Variants in TBC1D22A observed in about 807,000 individuals in gnomAD.
The protein encoded by TBC1D22A is putative GTPase activator.
A neutral mutation model predicts 60.2 loss-of-function variants in TBC1D22A; 38 were observed. That is an observed-to-expected ratio of 0.63 (90% CI 0.49 to 0.83). The LOEUF (loss-of-function observed/expected upper bound fraction) is 0.83, where lower values mean the gene tolerates loss of function less well. Ranked by LOEUF, TBC1D22A falls within the 40% of genes least tolerant of loss-of-function variation. The pLI, the probability that TBC1D22A is intolerant of heterozygous loss-of-function variation, is 0.00. For synonymous variants in TBC1D22A, 302 were observed against 281.7 expected (o/e 1.07, Z -0.72); for missense variants, 628 against 701.0 (o/e 0.90, Z 1.18).
intron 12 of TBC1D22A, among the ~76,000 whole-genome samples, chr22:47,169,129 C>T (rs2068326117): frequency 6.6e-6 from 1 of 152,214 alleles, no homozygotes; most frequent in Admixed American, 6.5e-5. Context: ...CTTGGCTTCC[C>T]ACCTCCACCC....
chr22:46,953,175 A>T (rs936378975), intron 8 of TBC1D22A, among the ~76,000 whole-genome samples: 1 of 152,086 alleles, frequency 6.6e-6, no homozygotes, highest in African/African-American at 2.4e-5. Flanking sequence ...TAATTTATCC[A>T]ATTATTTATA....
intron 12 of TBC1D22A, among the ~76,000 whole-genome samples, chr22:47,157,272 T>G (rs1373984981): frequency 6.6e-6 from 1 of 152,236 alleles, no homozygotes; most frequent in East Asian, 1.9e-4. Context: ...ACTCCGGGCA[T>G]GTGAAGCCCT....
At chr22:47,031,097 C>T (rs1276447369) in intron 10 of TBC1D22A, among the ~76,000 whole-genome samples, 4 of 152,198 alleles carry the variant, frequency 2.6e-5, no homozygotes, top group African/African-American at 7.2e-5. Context: ...CTCAGCGGAG[C>T]GCTTGCCATG....
intron 10 of TBC1D22A, among the ~76,000 whole-genome samples, chr22:47,033,327 T>C (rs567098940): frequency 6.6e-6 from 1 of 152,336 alleles, no homozygotes; most frequent in Non-Finnish European, 1.5e-5. Flanking sequence ...AAGAACGTCA[T>C]GTTCTAGGGT....
At chr22:46,930,635 T>G (rs2147887977) in intron 8 of TBC1D22A, among the ~76,000 whole-genome samples, 1 of 150,936 alleles carries the variant, frequency 6.6e-6, no homozygotes, top group Non-Finnish European at 1.5e-5. Context: ...TTTTTTTTTT[T>G]TGTATTTTTA....
intron 1 of TBC1D22A, chr22:46,774,081 C>A (rs1349932451): frequency 8.1e-6 from 8 of 985,518 alleles, no homozygotes; most frequent in Non-Finnish European, 9.6e-6. Context: ...GTTCCTCCCG[C>A]CCCCGCACCC....
chr22:46,936,584 G>C (rs969539655), intron 8 of TBC1D22A, among the ~76,000 whole-genome samples: 1 of 152,258 alleles, frequency 6.6e-6, no homozygotes, highest in Non-Finnish European at 1.5e-5. Context: ...CAAGCGGAGC[G>C]TGAGACAGAC....
In TBC1D22A at chr22:47,134,007, C is replaced by T. The variant is rs575761619; in HGVS notation, c.1425+22404C>T. 9.2e-5 allele frequency among the ~76,000 whole-genome samples: 14 copies of T among 152,290 alleles called. No homozygotes were observed. The South Asian group carries it at 2.7e-3, about 29-fold the overall frequency. ...TGGGCCTGGAGCAGGTCCCCTGTGT[C>T]CACTCCAGTTATTCCAGAAGGTGCC... On this transcript the variant is annotated intron_variant, in intron 12 of 12. Coordinates refer to ENST00000337137, the MANE Select transcript of TBC1D22A (RefSeq NM_014346.5).
intron 10 of TBC1D22A, among the ~76,000 whole-genome samples, chr22:47,025,373 G>A (rs1320707023): frequency 1.3e-5 from 2 of 152,118 alleles, no homozygotes; most frequent in Admixed American, 1.3e-4. Flanking sequence ...AAATCTTAAG[G>A]GATTCAAGAA....
At chr22:46,925,102 T>C (rs1244727215) in intron 8 of TBC1D22A, among the ~76,000 whole-genome samples, 1 of 152,218 alleles carries the variant, frequency 6.6e-6, no homozygotes, top group Admixed American at 6.5e-5. Context: ...TTAGAATGAT[T>C]TGTTTTAGCT....
At chr22:47,019,365 G>A (rs1277855582) in intron 10 of TBC1D22A, among the ~76,000 whole-genome samples, 1 of 152,240 alleles carries the variant, frequency 6.6e-6, no homozygotes, top group African/African-American at 2.4e-5. Flanking sequence ...AGCTAGACAA[G>A]GTCCTTCTTA....
chr22:46,772,749 C>T (rs1213868861), intron 1 of TBC1D22A, among the ~76,000 whole-genome samples: 6 of 148,888 alleles, frequency 4.0e-5, no homozygotes, highest in East Asian at 2.0e-4. Context: ...TGGGTTCAAG[C>T]TATTCTCCTG....
At chr22:47,022,184 G>C (rs913245973) in intron 10 of TBC1D22A, among the ~76,000 whole-genome samples, 1 of 152,220 alleles carries the variant, frequency 6.6e-6, no homozygotes, top group Non-Finnish European at 1.5e-5. Context: ...TTTCAGGTTT[G>C]GTGACAGCCT....
chr22:46,948,048 T>C (rs913304190), intron 8 of TBC1D22A, among the ~76,000 whole-genome samples: 1 of 152,188 alleles, frequency 6.6e-6, no homozygotes, highest in Non-Finnish European at 1.5e-5. Context: ...CTGAGCTACG[T>C]TGGGTTGTCT....
chr22:47,171,978 G>A (rs143253100), intron 12 of TBC1D22A, among the ~76,000 whole-genome samples: 81 of 150,866 alleles, frequency 5.4e-4, no homozygotes, highest in Middle Eastern at 3.4e-3. Flanking sequence ...TAAGCCCAAC[G>A]CACCTGCCCA....
intron 7 of TBC1D22A, 53 bp downstream of exon 7, chr22:46,894,899 A>T (rs1396222021): frequency 2.5e-6 from 4 of 1,598,056 alleles, no homozygotes; most frequent in African/African-American, 2.7e-5. Flanking sequence ...GCTGATGCCC[A>T]CTGTGCTAAC....
At chr22:47,125,327 C>T (rs910158391) in intron 12 of TBC1D22A, among the ~76,000 whole-genome samples, 12 of 152,186 alleles carry the variant, frequency 7.9e-5, no homozygotes, top group South Asian at 2.1e-4. Flanking sequence ...TCTCAGAAGC[C>T]GGCACAGCTA....
chr22:47,169,050 G>A (rs765576273), intron 12 of TBC1D22A, among the ~76,000 whole-genome samples: 2 of 152,176 alleles, frequency 1.3e-5, no homozygotes, highest in Non-Finnish European at 2.9e-5. Flanking sequence ...TGAGCGGCAT[G>A]GCGGCTTCTG....
chr22:46,798,680 G>C (rs529133528), intron 4 of TBC1D22A, among the ~76,000 whole-genome samples: 3 of 152,372 alleles, frequency 2.0e-5, no homozygotes, highest in African/African-American at 7.2e-5. Flanking sequence ...TTGGTCATGA[G>C]ATTGCTTCAT....
Sources: gnomAD v4.1 joint callset for allele counts (sites outside exome capture counted in the v4.1 genomes callset) on GRCh38, gnomAD v4.1.1 for gene constraint, MANE v1.5 for transcripts, NCBI Gene and HGNC (gene_info 2026-07-23, HGNC 2026-07-21) for gene names.